Variants in SBNO1 observed in about 807,000 individuals in gnomAD.
SBNO1 encodes the protein protein strawberry notch homolog 1.
A neutral mutation model predicts 173.6 loss-of-function variants in SBNO1; 23 were observed. The ratio of observed to expected loss-of-function variants is 0.13; its 90% CI spans 0.10 to 0.19. SBNO1 has a LOEUF of 0.19. Ranked by LOEUF, SBNO1 falls within the 10% of genes least tolerant of loss-of-function variation. The pLI is 1.00. For missense variants in SBNO1, 1,238 were observed against 1,671.2 expected, an observed-to-expected ratio of 0.74 and a Z score of 4.52; for synonymous variants, 632 against 571.5, an observed-to-expected ratio of 1.11 and a Z score of -1.51.
chr12:123,333,878 G>C (rs529370101), intron 7 of SBNO1, among the ~76,000 whole-genome samples, 175 bp downstream of exon 7: 1 of 152,046 alleles, frequency 6.6e-6, no homozygotes, highest in African/African-American at 2.4e-5. Flanking sequence ...CACTGGAAAT[G>C]CACTATCTGT....
In SBNO1 at chr12:123,328,901, A is replaced by G. The variant is rs1464260133; in HGVS notation, c.1135-6T>C. ...GAAATTTTTCCGTATTTAAACTAAA[A>G]AAGAAAAGAAAAGAATTTAGTTAAT... On this transcript the variant is annotated splice_polypyrimidine_tract_variant and splice_region_variant and intron_variant, in intron 9 of 31. Coordinates refer to ENST00000602398, the MANE Select transcript of SBNO1 (RefSeq NM_001167856.3). 1.4e-6 allele frequency: 2 copies of G among 1,459,578 alleles called. No individual in the cohort carries two copies. Among genetic ancestry groups the G allele is most frequent in the Non-Finnish European group, 1.9e-6 (2 of 1,064,454 alleles). 90.4% of individuals were successfully genotyped at this position (1,459,578 alleles called of 1,614,324 possible). A position where few individuals can be genotyped will look rare whatever the true frequency, so the allele number is the denominator to read the frequency against.
chr12:123,313,201 A>T (rs1046780078), intron 24 of SBNO1, among the ~76,000 whole-genome samples: 2 of 138,328 alleles, frequency 1.4e-5, no homozygotes, highest in African/African-American at 2.7e-5. Flanking sequence ...ACTCGGTCTT[A>T]AAATAAATAA....
At chr12:123,318,831 G>A (rs779450026) in intron 20 of SBNO1, among the ~76,000 whole-genome samples, 2 of 151,570 alleles carry the variant, frequency 1.3e-5, no homozygotes, top group African/African-American at 2.4e-5. Context: ...ACAGTAAATC[G>A]TCTTAATATA....
chr12:123,314,326 C>T (rs547916407), intron 23 of SBNO1, among the ~76,000 whole-genome samples: 22 of 112,158 alleles, frequency 2.0e-4, no homozygotes, highest in African/African-American at 5.5e-4. Flanking sequence ...GCCACCATGC[C>T]CAACTAAATT....
chr12:123,320,243 C>T (rs998928486), intron 19 of SBNO1, among the ~76,000 whole-genome samples, 189 bp downstream of exon 19: 1 of 152,200 alleles, frequency 6.6e-6, no homozygotes, highest in Admixed American at 6.5e-5. Flanking sequence ...GTAACTAGGA[C>T]CAGTGGCTTG....
At chr12:123,302,238 G>GTTTTT in intron 30 of SBNO1, among the ~76,000 whole-genome samples, 1 of 112,978 alleles carries the variant, frequency 8.9e-6, no homozygotes, top group Non-Finnish European at 1.9e-5. Flanking sequence ...TGGCCTTATT[G>GTTTTT]TTTTTTTTTT....
At chr12:123,309,902 A>T (rs773509703) in intron 25 of SBNO1, 46 bp from the exon 26 acceptor site, 12 of 1,476,086 alleles carry the variant, frequency 8.1e-6, no homozygotes, top group Admixed American at 2.1e-5. Flanking sequence ...GATAATTAAA[A>T]ATTTTTTATT....
intron 24 of SBNO1, among the ~76,000 whole-genome samples, chr12:123,312,390 A>C (rs1432739445): frequency 6.6e-6 from 1 of 152,174 alleles, no homozygotes; most frequent in Admixed American, 6.6e-5. Context: ...AGTATGTGCT[A>C]ATCTACCAAA....
intron 2 of SBNO1, chr12:123,349,087 C>T (rs1873577389): frequency 1.3e-5 from 2 of 150,702 alleles, no homozygotes; most frequent in South Asian, 2.1e-4. Context: ...AACAACACTG[C>T]ACTCGGACCA....
intron 1 of SBNO1, among the ~76,000 whole-genome samples, chr12:123,352,686 CATTT>C (rs1566054847): frequency 6.6e-6 from 1 of 152,198 alleles, no homozygotes; most frequent in African/African-American, 2.4e-5. Flanking sequence ...GTTTGTGTAT[CATTT>C]AGACAGATGT....
Position 123,294,744 on chromosome 12 carries a change from G to A in SBNO1, c.*1164C>T, listed in dbSNP as rs2048568161. ...CTTGTTTTTATAAACATCTATTATA[G>A]GCGAAACAAAACTTACCCATATTAT... is the stretch of plus-strand genomic sequence containing the variant. On this transcript the variant is annotated 3_prime_UTR_variant, in exon 32 of 32. Coordinates refer to ENST00000602398, the MANE Select transcript of SBNO1 (RefSeq NM_001167856.3). The A allele has an allele frequency of 6.4e-6, 1 of 157,318 alleles. No individual in the cohort carries two copies. Among genetic ancestry groups the A allele is most frequent in the Non-Finnish European group, 1.4e-5 (1 of 73,514 alleles). 9.7% of individuals were successfully genotyped at this position (157,318 alleles called of 1,614,324 possible). A position where few individuals can be genotyped will look rare whatever the true frequency, so the allele number is the denominator to read the frequency against.
At position 123,309,334 on chromosome 12, in the gene SBNO1, G is replaced by A. The variant is rs537947510; in HGVS notation, c.3606C>T (p.Asp1202=). The A allele has an allele frequency of 2.2e-5, 36 of 1,613,950 alleles. No individual in the cohort carries two copies. Among genetic ancestry groups the A allele is most frequent in the South Asian group, 7.7e-5 (7 of 91,082 alleles). The change falls in exon 28 of 32, where the codon GAC becomes GAT. Residue 1202 remains aspartate (D), a synonymous_variant. Transcript: ENST00000602398. ...CTTGCAATGACAAGTAAAAGCCATC[G>A]TCTGGTCCTGTCAGCTCAGCCCAAA... ...TKIWAELTGP[D]DGFYLSLQIR...
intron 1 of SBNO1, among the ~76,000 whole-genome samples, chr12:123,350,685 C>T (rs1001388958): frequency 2.6e-5 from 4 of 152,202 alleles, no homozygotes; most frequent in Admixed American, 1.3e-4. Context: ...CAAAAGGCTA[C>T]GGGAACAGAG....
chr12:123,362,916 CAAAAAAATTAAAAAA>C (rs1387699289), intron 1 of SBNO1, among the ~76,000 whole-genome samples: 1 of 147,614 alleles, frequency 6.8e-6, no homozygotes, highest in African/African-American at 2.6e-5. Context: ...CGCCTCTCAA[CAAAAAAATTAAAAAA>C]AAAAAAATTA....
chr12:123,333,937 A>G, intron 7 of SBNO1, 116 bp downstream of exon 7: 1 of 637,716 alleles, frequency 1.6e-6, no homozygotes, highest in Non-Finnish European at 2.5e-6. Flanking sequence ...TTAAACTTTC[A>G]TAAATATTAC....
intron 2 of SBNO1, 121 bp downstream of exon 2, chr12:123,350,189 G>C (rs776739598): frequency 1.3e-4 from 152 of 1,137,808 alleles, no homozygotes; most frequent in Non-Finnish European, 1.9e-4. Context: ...GGGAGGTTGA[G>C]GCTTCAGTAA....
rs574655778 is a variant in SBNO1, at chr12:123,364,342, G to C, written c.-1+359C>G. ...GCAGCCCCCGGGTTGTGAGGCGGAA[G>C]CCAAAGGGGCGAACCCAGCGGAGCC... On this transcript the variant is annotated intron_variant, in intron 1 of 31. Coordinates refer to ENST00000602398, the MANE Select transcript of SBNO1 (RefSeq NM_001167856.3). 6.1e-6 allele frequency: 6 copies of C among 985,070 alleles called. No homozygotes were observed. The East Asian group carries it at 4.6e-4, about 75-fold the overall frequency. The allele number at this position is 985,070 out of a possible 1,614,324, so 61.0% of individuals were successfully genotyped here.
At chr12:123,360,683 T>A (rs1411722428) in intron 1 of SBNO1, among the ~76,000 whole-genome samples, 1 of 151,916 alleles carries the variant, frequency 6.6e-6, no homozygotes, top group Non-Finnish European at 1.5e-5. Flanking sequence ...CACCTCGTGA[T>A]CCACCAGCCT....
intron 1 of SBNO1, among the ~76,000 whole-genome samples, chr12:123,357,427 C>T (rs888699293): frequency 4.6e-5 from 7 of 150,966 alleles, no homozygotes; most frequent in African/African-American, 1.7e-4. Context: ...CCAGCCTGGG[C>T]GACAGAGTGG....
Sources: gnomAD v4.1 joint callset for allele counts (sites outside exome capture counted in the v4.1 genomes callset) on GRCh38, gnomAD v4.1.1 for gene constraint, MANE v1.5 for transcripts, NCBI Gene and HGNC (gene_info 2026-07-23, HGNC 2026-07-21) for gene names.